The following FGD5 variants were observed in gnomAD, a reference collection of about 807,000 sequenced individuals.
The protein encoded by FGD5 is FYVE, RhoGEF and PH domain containing 5.
Under a neutral mutation model 133.4 loss-of-function variants are expected in FGD5, and 28 were observed. That is an observed-to-expected ratio of 0.21 (90% CI 0.16 to 0.29). FGD5 has a LOEUF of 0.29. Among genes scored for constraint, FGD5 ranks in the 10% least tolerant of loss-of-function variants. The pLI is 1.00. For synonymous variants in FGD5, 810 were observed against 776.5 expected, an observed-to-expected ratio of 1.04 and a Z score of -0.72; for missense variants, 1,858 against 1,895.2, an observed-to-expected ratio of 0.98 and a Z score of 0.36.
intron 1 of FGD5, among the ~76,000 whole-genome samples, chr3:14,837,946 GACA>G (rs1335250367): frequency 1.3e-5 from 2 of 152,302 alleles, no homozygotes; most frequent in Non-Finnish European, 1.5e-5. Flanking sequence ...AGTGGCTTAA[GACA>G]ACATCTGTTT....
intron 2 of FGD5, among the ~76,000 whole-genome samples, chr3:14,872,599 G>A (rs1473971965): frequency 6.6e-6 from 1 of 152,218 alleles, no homozygotes; most frequent in East Asian, 1.9e-4. Context: ...AGAAGGCAGT[G>A]TGCACGTGTG....
At chr3:14,928,615 C>T (rs2038853687) in intron 18 of FGD5, among the ~76,000 whole-genome samples, 1 of 152,022 alleles carries the variant, frequency 6.6e-6, no homozygotes, top group East Asian at 1.9e-4. Flanking sequence ...GATGGTGGCA[C>T]GCACCTGTAG....
chr3:14,818,886 G>A (rs2125066429), upstream of FGD5: 1 of 1,404,684 alleles, frequency 7.1e-7, no homozygotes, highest in Non-Finnish European at 9.3e-7. Context: ...TGCAACTGGT[G>A]TGTAGGAGAC....
At chr3:14,897,728 A>AT in intron 5 of FGD5, 59 bp downstream of exon 5, 1 of 1,520,444 alleles carries the variant, frequency 6.6e-7, no homozygotes, top group South Asian at 1.3e-5. Flanking sequence ...ATGGAGACGG[A>AT]TAAAAACACC....
intron 1 of FGD5, among the ~76,000 whole-genome samples, chr3:14,841,737 C>T (rs376087358): frequency 9.3e-4 from 141 of 152,278 alleles, no homozygotes; most frequent in African/African-American, 3.3e-3. Flanking sequence ...GAAGCCCTGT[C>T]ACTGGACAGT....
chr3:14,866,500 A>G (rs2037496182), intron 2 of FGD5, among the ~76,000 whole-genome samples: 1 of 152,164 alleles, frequency 6.6e-6, no homozygotes. Flanking sequence ...AGAGCAGCCT[A>G]GGGACTAAGA....
intron 1 of FGD5, among the ~76,000 whole-genome samples, chr3:14,824,729 A>G (rs567037067): frequency 6.6e-6 from 1 of 152,346 alleles, no homozygotes; most frequent in African/African-American, 2.4e-5. Context: ...TCTTTAAATC[A>G]GCCCATCTTT....
At chr3:14,918,068 T>C (rs1385723950) in intron 12 of FGD5, among the ~76,000 whole-genome samples, 2 of 152,228 alleles carry the variant, frequency 1.3e-5, no homozygotes, top group Admixed American at 6.5e-5. Context: ...GGCTTCCACC[T>C]TTAGGCTGTT....
chr3:14,926,978 A>G (rs1161155534), intron 18 of FGD5, among the ~76,000 whole-genome samples: 5 of 152,310 alleles, frequency 3.3e-5, no homozygotes, highest in Admixed American at 6.5e-5. Flanking sequence ...CAAATGTGCA[A>G]AAGGCACTTC....
intron 1 of FGD5, among the ~76,000 whole-genome samples, chr3:14,832,143 A>C (rs1010155307): frequency 2.6e-5 from 4 of 152,178 alleles, no homozygotes; most frequent in Admixed American, 6.5e-5. Context: ...CGGTCTCTTC[A>C]TCACTGAGCA....
chr3:14,828,190 G>A (rs963547896), intron 1 of FGD5, among the ~76,000 whole-genome samples: 1 of 152,090 alleles, frequency 6.6e-6, no homozygotes, highest in Non-Finnish European at 1.5e-5. Context: ...AGAGTCTGGG[G>A]GTAGGAAGAG....
intron 2 of FGD5, among the ~76,000 whole-genome samples, chr3:14,878,725 CT>C (rs571884717): frequency 2.2e-3 from 291 of 133,594 alleles, no homozygotes; most frequent in Middle Eastern, 3.9e-3. Context: ...AAAGCCCATG[CT>C]TTTTTTTTTT....
Position 14,838,144 on chromosome 3 carries a change from T to C in FGD5, c.2525+16548T>C, listed in dbSNP as rs189820335. 9.7e-4 allele frequency among the ~76,000 whole-genome samples: 148 copies of C among 152,320 alleles called. 3 individuals are homozygous for C. The highest frequency in any genetic ancestry group is 8.9e-3 in the Admixed American group (136 of 15,310). ...TCCACTCCTGTGGGACTGAGGGCCCTGCTTCCCTGTTGGCTGTCACGGGGC... is the reference window on the plus strand; with the variant it reads ...TCCACTCCTGTGGGACTGAGGGCCCCGCTTCCCTGTTGGCTGTCACGGGGC... On this transcript the variant is annotated intron_variant, in intron 1 of 19. Transcript: ENST00000285046.
chr3:14,844,197 T>C (rs566548099), intron 1 of FGD5, among the ~76,000 whole-genome samples: 1 of 60,542 alleles, frequency 1.7e-5, no homozygotes, highest in East Asian at 5.3e-4. Flanking sequence ...CACATCTTAA[T>C]AGGCATTAAA....
intron 10 of FGD5, among the ~76,000 whole-genome samples, chr3:14,908,065 A>C (rs1183431464): frequency 1.3e-5 from 2 of 152,246 alleles, no homozygotes; most frequent in Non-Finnish European, 2.9e-5. Context: ...AACCCTTAGA[A>C]ATTTTCTTAA....
At position 14,811,013 on chromosome 3, in the gene FGD5, G is replaced by A. The variant is rs572224817; in HGVS notation, c.13+148G>A. The A allele has an allele frequency of 7.9e-5, 53 of 671,000 alleles. No homozygotes were observed. In the African/African-American group the frequency reaches 1.0e-3, roughly 13 times the overall value. 41.6% of individuals were successfully genotyped at this position (671,000 alleles called of 1,614,324 possible). On this transcript the variant is annotated intron_variant, in intron 1 of 1. Transcript: ENST00000640506. ...CCGCTCGGCCTCGGCCAAAGCATGC[G>A]CGGCTCCGGGGTCCTCTCGCCGAGG...
intron 18 of FGD5, among the ~76,000 whole-genome samples, chr3:14,927,114 C>T (rs1011297986): frequency 8.5e-5 from 13 of 152,220 alleles, no homozygotes; most frequent in Non-Finnish European, 1.6e-4. Flanking sequence ...TACTTAAACA[C>T]TTAGCAAGGC....
intron 18 of FGD5, chr3:14,931,038 T>C (rs1390764767): frequency 1.3e-5 from 2 of 152,192 alleles, no homozygotes; most frequent in African/African-American, 2.4e-5. Context: ...TTCTTTTTCT[T>C]TCCTTAATGT....
At chr3:14,864,479 T>C (rs11718150) in intron 2 of FGD5, among the ~76,000 whole-genome samples, 14,191 of 152,244 alleles carry the variant, frequency 0.093, 831 homozygotes, top group East Asian at 0.3. Flanking sequence ...ATGCCGGTAT[T>C]CTCTGGAGTC....
Sources: gnomAD v4.1 joint callset for allele counts (sites outside exome capture counted in the v4.1 genomes callset) on GRCh38, gnomAD v4.1.1 for gene constraint, MANE v1.5 for transcripts, NCBI Gene and HGNC (gene_info 2026-07-23, HGNC 2026-07-21) for gene names.